The following LYPLA1 variants were observed in gnomAD, a reference collection of about 807,000 sequenced individuals.
LYPLA1 encodes lysophospholipase 1.
A neutral mutation model predicts 34.0 loss-of-function variants in LYPLA1; 17 were observed. The observed-to-expected ratio is 0.50, with a 90% CI of 0.34 to 0.75. The LOEUF is 0.75. LYPLA1 is among the 30% of genes least tolerant of loss of function. The pLI is 0.01. For missense variants in LYPLA1, 203 were observed against 288.8 expected (o/e 0.70, Z 2.15); for synonymous variants, 98 against 100.8 (o/e 0.97, Z 0.17).
Position 54,052,658 on chromosome 8 carries a change from T to C in LYPLA1, c.459A>G (p.Pro153=). The C allele has an allele frequency of 6.2e-7, 1 of 1,611,502 alleles. No individual in the cohort carries two copies. Among genetic ancestry groups the C allele is most frequent in the Non-Finnish European group, 8.5e-7 (1 of 1,178,226 alleles). The change falls in exon 7 of 9, where the codon CCA becomes CCG. Residue 153 remains proline, a synonymous_variant. Transcript: ENST00000316963. ...SCWLPLRASF[P]QGPIGGANRD... ...TTGAGTGCATCAACCAAGTTACCTG[T>C]GGAAAGGAAGCCCGAAGTGGAAGCC...
In LYPLA1 at chr8:54,099,125, G is replaced by A. The variant is rs552927651; in HGVS notation, c.101+1783C>T. Among the ~76,000 whole-genome samples, 13 of 145,868 alleles carry A rather than the reference G, an allele frequency of 8.9e-5. No individual in the cohort carries two copies. In the Admixed American group the frequency reaches 9.0e-4, roughly 10 times the overall value. ...GTCTGTGGAATCTGCCTAGACTGAA[G>A]TTTTTTTTTTTTTGCTTGAACTAAT... On this transcript the variant is annotated intron_variant, in intron 2 of 8. Transcript: ENST00000316963.
chr8:54,077,428 C>T (rs760055147), intron 2 of LYPLA1, among the ~76,000 whole-genome samples: 1 of 152,162 alleles, frequency 6.6e-6, no homozygotes, highest in Admixed American at 6.5e-5. Context: ...ATTATCTGTA[C>T]ATCAAACCCT....
intron 5 of LYPLA1, among the ~76,000 whole-genome samples, chr8:54,060,363 G>T (rs1586093386): frequency 6.6e-6 from 1 of 152,054 alleles, no homozygotes; most frequent in African/African-American, 2.4e-5. Context: ...GACCTCAGGC[G>T]ATCCGCCTGC....
At chr8:54,080,918 T>C (rs1808268823) in intron 2 of LYPLA1, among the ~76,000 whole-genome samples, 1 of 152,248 alleles carries the variant, frequency 6.6e-6, no homozygotes, top group African/African-American at 2.4e-5. Flanking sequence ...AATTTTAGAA[T>C]TGTTATTAAT....
At chr8:54,072,318 A>G (rs1807533917) in intron 2 of LYPLA1, among the ~76,000 whole-genome samples, 2 of 152,226 alleles carry the variant, frequency 1.3e-5, no homozygotes, top group South Asian at 4.1e-4. Context: ...TTTTAGACAT[A>G]GGACTTGTCT....
intron 5 of LYPLA1, among the ~76,000 whole-genome samples, chr8:54,057,619 T>C (rs191781692): frequency 8.3e-4 from 127 of 152,158 alleles, no homozygotes; most frequent in Non-Finnish European, 1.5e-3. Flanking sequence ...CTAACTGAAC[T>C]AACAGACACA....
intron 2 of LYPLA1, chr8:54,100,128 TAA>T (rs1327415067): frequency 4.6e-5 from 7 of 152,112 alleles, no homozygotes. Context: ...AATTTAAATA[TAA>T]AAACAAAAAC....
At chr8:54,091,627 G>GGAA (rs1809290836) in intron 2 of LYPLA1, among the ~76,000 whole-genome samples, 1 of 140,774 alleles carries the variant, frequency 7.1e-6, no homozygotes. Context: ...GAAGGAAGGA[G>GGAA]AAATACTAAG....
At chr8:54,061,151 G>GC (rs1308171088) in intron 5 of LYPLA1, among the ~76,000 whole-genome samples, 31 of 151,874 alleles carry the variant, frequency 2.0e-4, no homozygotes, top group East Asian at 7.8e-4. Context: ...CGCAATCTCG[G>GC]CTCACTGAAA....
At position 54,062,338 on chromosome 8, in the gene LYPLA1, C is replaced by G. The variant is rs936574880; in HGVS notation, c.216-14G>C. The stretch of plus-strand genomic sequence containing the variant: ...ATAATATCAAACCTGTAAAATAAGG[C>G]AAAATCTTTTGATTCTAAGAAAAAT... On this transcript the variant is annotated splice_polypyrimidine_tract_variant and intron_variant, in intron 4 of 8. Transcript: ENST00000316963. The G allele has an allele frequency of 1.3e-6, 2 of 1,558,864 alleles. No individual in the cohort carries two copies. Among genetic ancestry groups the G allele is most frequent in the Admixed American group, 1.8e-5 (1 of 55,004 alleles).
intron 2 of LYPLA1, among the ~76,000 whole-genome samples, chr8:54,070,639 C>T (rs1432244274): frequency 6.6e-6 from 1 of 152,184 alleles, no homozygotes; most frequent in African/African-American, 2.4e-5. Context: ...AGAAGAATCA[C>T]TCAAACCCGG....
At chr8:54,079,166 G>A (rs1367247389) in intron 2 of LYPLA1, among the ~76,000 whole-genome samples, 5 of 151,970 alleles carry the variant, frequency 3.3e-5, no homozygotes, top group African/African-American at 1.2e-4. Flanking sequence ...TTTCAACAGA[G>A]ATGGGGATTC....
chr8:54,062,302 G>A lies in LYPLA1; in HGVS notation c.238C>T (p.Pro80Ser). Reference sequence around the variant, plus strand: ...CCAGATTCATCCTCCTGTGAATCTGGTGAAAGCCCAATAATATCAAACCTG... The same window carrying A: ...CCAGATTCATCCTCCTGTGAATCTGATGAAAGCCCAATAATATCAAACCTG... ...PSWFDIIGLS[P>S]DSQEDESGIK... The change falls in exon 5 of 9, where the codon CCA (proline) becomes TCA (serine). Residue 80 changes from proline (P) to serine (S), a missense_variant. By Grantham distance (74) the Pro-to-Ser change is moderately conservative. Around this residue, in one of 3 missense-constraint regions of LYPLA1, gnomAD observed 123 missense variants for 199.2 expected, o/e 0.62. Transcript: ENST00000316963. The A allele has an allele frequency of 6.2e-7, 1 of 1,606,152 alleles. No homozygotes were observed. The highest frequency in any genetic ancestry group is 1.7e-5 in the Admixed American group (1 of 58,914).
intron 2 of LYPLA1, among the ~76,000 whole-genome samples, chr8:54,092,808 CCT>C (rs1170528933): frequency 6.6e-6 from 1 of 152,076 alleles, no homozygotes. Context: ...ATAATGAGTC[CCT>C]GTCTCTACTT....
At chr8:54,085,326 C>T (rs912614795) in intron 2 of LYPLA1, among the ~76,000 whole-genome samples, 6 of 152,214 alleles carry the variant, frequency 3.9e-5, no homozygotes, top group South Asian at 4.1e-4. Context: ...GGCGTGATCT[C>T]GGCTCACTAT....
intron 2 of LYPLA1, among the ~76,000 whole-genome samples, chr8:54,080,865 G>A (rs754885585): frequency 6.6e-6 from 1 of 152,216 alleles, no homozygotes; most frequent in Non-Finnish European, 1.5e-5. Context: ...TGGGATTACA[G>A]GCGTAAGCCA....
intron 2 of LYPLA1, among the ~76,000 whole-genome samples, chr8:54,099,570 G>A (rs868744658): frequency 3.3e-5 from 5 of 152,070 alleles, no homozygotes; most frequent in South Asian, 4.1e-4. Flanking sequence ...CCAGCTACTC[G>A]GGAGACCCAG....
At chr8:54,053,080 C>A in intron 6 of LYPLA1, 3 of 230,374 alleles carry the variant, frequency 1.3e-5, no homozygotes, top group Non-Finnish European at 2.5e-5. Flanking sequence ...CCAATCTGCT[C>A]TTAAATTGGT....
chr8:54,078,887 C>T (rs13263441), intron 2 of LYPLA1, among the ~76,000 whole-genome samples: 140,558 of 149,180 alleles, frequency 0.94, 66,246 homozygotes, highest in East Asian at 1. Context: ...AACCCCCCCC[C>T]TTTTTTTTTG....
Sources: allele counts gnomAD v4.1 joint callset (sites outside exome capture counted in the v4.1 genomes callset), GRCh38; gene constraint gnomAD v4.1.1; regional missense constraint gnomAD v4.1.1; transcripts MANE v1.5; gene names NCBI Gene and HGNC (gene_info 2026-07-23, HGNC 2026-07-21).